The following GPC6 variants were observed in gnomAD, a reference collection of about 807,000 sequenced individuals.
GPC6 encodes glypican 6, also known as glypican-6.
Under a neutral mutation model 55.2 loss-of-function variants are expected in GPC6, and 14 were observed. The observed-to-expected ratio is 0.25, with a 90% CI of 0.17 to 0.40. The LOEUF (loss-of-function observed/expected upper bound fraction) is 0.40. Ranked by LOEUF, GPC6 falls within the 10% of genes least tolerant of loss-of-function variation. The pLI, the probability that GPC6 is intolerant of heterozygous loss-of-function variation, is 1.00. For synonymous variants in GPC6, 278 were observed against 259.6 expected (o/e 1.07, Z -0.68); for missense variants, 641 against 708.5 (o/e 0.90, Z 1.08).
intron 4 of GPC6, among the ~76,000 whole-genome samples, chr13:94,213,339 TG>T: frequency 6.6e-6 from 1 of 152,324 alleles, no homozygotes; most frequent in South Asian, 2.1e-4. Flanking sequence ...CGTTCTCAAT[TG>T]GGCAGTTTAA....
chr13:93,889,785 A>G (rs1468486550), intron 3 of GPC6, among the ~76,000 whole-genome samples: 1 of 152,012 alleles, frequency 6.6e-6, no homozygotes, highest in African/African-American at 2.4e-5. Flanking sequence ...TTCTGTCTCT[A>G]CTTGGAGTTT....
At chr13:93,224,864 A>G (rs17702471), upstream of GPC6, among the ~76,000 whole-genome samples, 24,748 of 152,174 alleles carry the variant, frequency 0.16, 2,328 homozygotes, top group Non-Finnish European at 0.21. Context: ...AACCTACCCT[A>G]AACTATTTGA....
chr13:93,679,243 G>T (rs1347136743), intron 2 of GPC6, among the ~76,000 whole-genome samples: 1 of 152,028 alleles, frequency 6.6e-6, no homozygotes, highest in African/African-American at 2.4e-5. Flanking sequence ...CCCTCTAATG[G>T]TAGATAAATA....
chr13:93,569,724 C>T (rs1451597592), intron 2 of GPC6, among the ~76,000 whole-genome samples: 2 of 151,888 alleles, frequency 1.3e-5, no homozygotes, highest in African/African-American at 2.4e-5. Context: ...AGAGAAAAAT[C>T]TCTTTTATTT....
intron 3 of GPC6, among the ~76,000 whole-genome samples, chr13:94,012,487 T>A (rs1166434111): frequency 6.6e-6 from 1 of 152,210 alleles, no homozygotes; most frequent in East Asian, 1.9e-4. Context: ...GAAGCCATCA[T>A]TGTGCATAGA....
chr13:93,892,011 A>T (rs1316798777), intron 3 of GPC6, among the ~76,000 whole-genome samples: 1 of 152,032 alleles, frequency 6.6e-6, no homozygotes, highest in East Asian at 1.9e-4. Flanking sequence ...AAGTATAGAG[A>T]TGGCTTAGTA....
chr13:93,434,334 C>T (rs1293728186), intron 1 of GPC6, among the ~76,000 whole-genome samples: 1 of 152,084 alleles, frequency 6.6e-6, no homozygotes, highest in Non-Finnish European at 1.5e-5. Flanking sequence ...AGAATATTAC[C>T]TTGAGAGAAC....
At chr13:93,720,860 A>G (rs1883431986) in intron 2 of GPC6, among the ~76,000 whole-genome samples, 1 of 152,012 alleles carries the variant, frequency 6.6e-6, no homozygotes, top group Non-Finnish European at 1.5e-5. Flanking sequence ...TTCAGTTTCC[A>G]TGTAGCTGTG....
intron 1 of GPC6, among the ~76,000 whole-genome samples, chr13:93,388,416 A>G (rs1280388761): frequency 1.3e-5 from 2 of 152,068 alleles, no homozygotes; most frequent in Non-Finnish European, 2.9e-5. Context: ...GTTTCTTCAG[A>G]CTCCTGGCAA....
chr13:94,157,730 C>T (rs145174593), intron 4 of GPC6, among the ~76,000 whole-genome samples: 1 of 152,268 alleles, frequency 6.6e-6, no homozygotes, highest in Non-Finnish European at 1.5e-5. Context: ...TTCCCCCTAA[C>T]AGCAGTGTGC....
At chr13:93,665,771 A>G (rs1051389277) in intron 2 of GPC6, among the ~76,000 whole-genome samples, 3 of 152,204 alleles carry the variant, frequency 2.0e-5, no homozygotes, top group Non-Finnish European at 4.4e-5. Flanking sequence ...GTGTGGATGC[A>G]GTGATTTAAA....
At chr13:94,299,928 C>A (rs1875553176) in intron 5 of GPC6, among the ~76,000 whole-genome samples, 1 of 152,236 alleles carries the variant, frequency 6.6e-6, no homozygotes, top group East Asian at 1.9e-4. Context: ...AAGTAGTAAT[C>A]TAACAGTTCA....
rs566550014 is a variant in GPC6 at position 93,442,782 on chromosome 13, C to A, written c.161-102481C>A. On this transcript the variant is annotated intron_variant, in intron 1 of 8. Transcript: ENST00000377047. ...CTTTTTCTTTTTGGATATTTAATTGCCTGCTAAGTGTATATATATATTTTT... is the reference window on the plus strand; with the variant it reads ...CTTTTTCTTTTTGGATATTTAATTGACTGCTAAGTGTATATATATATTTTT... Among the ~76,000 whole-genome samples the A allele has an allele frequency of 1.6e-4, 24 of 152,064 alleles. No homozygotes were observed. The South Asian group carries it at 5.0e-3, about 32-fold the overall frequency.
intron 2 of GPC6, among the ~76,000 whole-genome samples, chr13:93,697,527 C>T (rs555335485): frequency 1.3e-5 from 2 of 152,232 alleles, no homozygotes; most frequent in African/African-American, 4.8e-5. Flanking sequence ...GCCATTCTGT[C>T]GGTTTTTGCT....
chr13:93,439,089 TA>T (rs1485943843), intron 1 of GPC6, among the ~76,000 whole-genome samples: 1 of 152,212 alleles, frequency 6.6e-6, no homozygotes, highest in African/African-American at 2.4e-5. Flanking sequence ...TTTTTAGACA[TA>T]ACGCTATTGC....
intron 1 of GPC6, among the ~76,000 whole-genome samples, chr13:93,433,892 C>T (rs973154807): frequency 1.3e-5 from 2 of 152,124 alleles, no homozygotes; most frequent in Non-Finnish European, 2.9e-5. Flanking sequence ...GAGAAACATG[C>T]CACTCCGGAT....
At chr13:93,725,705 C>A (rs1437370888) in intron 2 of GPC6, among the ~76,000 whole-genome samples, 23 of 151,860 alleles carry the variant, frequency 1.5e-4, no homozygotes, top group Admixed American at 1.5e-3. Context: ...TCCTCTTTGT[C>A]CCTATTAATT....
At chr13:93,745,667 C>T (rs1472632414) in intron 2 of GPC6, among the ~76,000 whole-genome samples, 2 of 152,200 alleles carry the variant, frequency 1.3e-5, no homozygotes, top group Non-Finnish European at 2.9e-5. Flanking sequence ...TAGGAAGCCA[C>T]AGCTCCCAGT....
chr13:94,192,194 G>GA lies in GPC6; in HGVS notation c.878-94146dup, dbSNP rs998210974. 1.3e-4 allele frequency among the ~76,000 whole-genome samples: 19 copies of GA among 151,378 alleles called. No homozygotes were observed. The South Asian group carries it at 2.1e-3, about 17-fold the overall frequency. On this transcript the variant is annotated intron_variant, in intron 4 of 8. Coordinates refer to ENST00000377047, the MANE Select transcript of GPC6 (RefSeq NM_005708.5). ...TGCTGAAATGCAGGCAACTCTGGAA[G>GA]AAAAAAAAATGTGTTAACAGATAAA... is the stretch of plus-strand genomic sequence containing the variant.
Sources: allele counts gnomAD v4.1 joint callset (sites outside exome capture counted in the v4.1 genomes callset), GRCh38; gene constraint gnomAD v4.1.1; transcripts MANE v1.5; gene names NCBI Gene and HGNC (gene_info 2026-07-23, HGNC 2026-07-21).